CFAP299: variants seen among roughly 807,000 people sequenced by gnomAD.
CFAP299 encodes cilia- and flagella-associated protein 299.
Under a neutral mutation model 27.0 loss-of-function variants are expected in CFAP299, and 21 were observed. That is an observed-to-expected ratio of 0.78 (90% confidence interval 0.55 to 1.12). The LOEUF is 1.12. Among genes scored for constraint, CFAP299 ranks in the 50% most tolerant of loss-of-function variants. The pLI, the probability that CFAP299 is intolerant of heterozygous loss-of-function variation, is 0.00. For synonymous variants in CFAP299, 104 were observed against 98.1 expected (o/e 1.06, Z -0.36); for missense variants, 310 against 276.6 (o/e 1.12, Z -0.86).
chr4:80,443,342 C>G (rs1412495010), intron 2 of CFAP299, among the ~76,000 whole-genome samples: 2 of 152,188 alleles, frequency 1.3e-5, no homozygotes, highest in East Asian at 1.9e-4. Flanking sequence ...ATGATCAAGT[C>G]ACCTTCATCC....
intron 2 of CFAP299, among the ~76,000 whole-genome samples, chr4:80,398,041 T>C (rs1452932039): frequency 6.6e-6 from 1 of 152,016 alleles, no homozygotes; most frequent in East Asian, 1.9e-4. Context: ...TATACACCAA[T>C]AACAGACAAA....
intron 3 of CFAP299, among the ~76,000 whole-genome samples, chr4:80,627,259 C>A (rs537852511): frequency 6.6e-6 from 1 of 151,912 alleles, no homozygotes; most frequent in African/African-American, 2.4e-5. Context: ...ATAATCATTT[C>A]CGTAGGTGCA....
At chr4:80,564,772 CAA>C (rs1409705565) in intron 2 of CFAP299, among the ~76,000 whole-genome samples, 1 of 151,666 alleles carries the variant, frequency 6.6e-6, no homozygotes, top group Non-Finnish European at 1.5e-5. Context: ...GAAAATAACT[CAA>C]GACTCCACCA....
intron 2 of CFAP299, among the ~76,000 whole-genome samples, chr4:80,500,660 G>A (rs1731695088): frequency 6.6e-6 from 1 of 152,070 alleles, no homozygotes; most frequent in South Asian, 2.1e-4. Flanking sequence ...TATTCAGTAA[G>A]TCTTTAATTG....
rs138387157 is a variant in CFAP299, at chr4:80,933,856, G to A, written c.477-10954G>A. 6.1e-3 allele frequency among the ~76,000 whole-genome samples: 925 copies of A among 152,132 alleles called. 7 individuals are homozygous for A. Among genetic ancestry groups the A allele is most frequent in the Middle Eastern group, 0.024 (7 of 294 alleles). ...AGTCAGTAAGGGTTTCTGTATATAA[G>A]ATGATATCATTTGCAAACAGAGGCA... On this transcript the variant is annotated intron_variant, in intron 4 of 5. Coordinates refer to ENST00000358105, the MANE Select transcript of CFAP299 (RefSeq NM_152770.3).
At chr4:80,575,346 G>C (rs867068376) in intron 2 of CFAP299, among the ~76,000 whole-genome samples, 1 of 146,898 alleles carries the variant, frequency 6.8e-6, no homozygotes, top group Non-Finnish European at 1.5e-5. Flanking sequence ...TTTTTTTTGA[G>C]AACAGATCTC....
chr4:80,398,743 TA>T (rs934623028), intron 2 of CFAP299, among the ~76,000 whole-genome samples: 1 of 152,024 alleles, frequency 6.6e-6, no homozygotes, highest in African/African-American at 2.4e-5. Context: ...AACCCTAGAA[TA>T]AAACCTAGGC....
chr4:80,484,738 A>G (rs1188891406), intron 2 of CFAP299, among the ~76,000 whole-genome samples: 1 of 152,216 alleles, frequency 6.6e-6, no homozygotes, highest in Non-Finnish European at 1.5e-5. Flanking sequence ...TTGTTTCATT[A>G]TAGAAAATTT....
chr4:80,908,383 T>C (rs1189092906), intron 4 of CFAP299, among the ~76,000 whole-genome samples: 1 of 152,244 alleles, frequency 6.6e-6, no homozygotes, highest in South Asian at 2.1e-4. Context: ...ACTTTAAACA[T>C]ATTTTCTTCT....
intron 3 of CFAP299, among the ~76,000 whole-genome samples, chr4:80,856,822 T>G (rs915833328): frequency 4.0e-5 from 6 of 151,664 alleles, no homozygotes; most frequent in African/African-American, 1.5e-4. Context: ...TAGTATAGTT[T>G]GAAGTCAGGT....
chr4:80,938,135 T>C (rs1230219129), intron 4 of CFAP299, among the ~76,000 whole-genome samples: 1 of 152,236 alleles, frequency 6.6e-6, no homozygotes, highest in Non-Finnish European at 1.5e-5. Flanking sequence ...CTTTAGATTA[T>C]ACATTAGCAT....
At chr4:80,525,136 T>C (rs573876690) in intron 2 of CFAP299, among the ~76,000 whole-genome samples, 4 of 152,142 alleles carry the variant, frequency 2.6e-5, no homozygotes, top group African/African-American at 9.6e-5. Flanking sequence ...CTTTTTCTGT[T>C]TTTCTAAGAC....
chr4:80,408,411 A>G (rs1188828267), intron 2 of CFAP299, among the ~76,000 whole-genome samples: 1 of 152,078 alleles, frequency 6.6e-6, no homozygotes, highest in African/African-American at 2.4e-5. Flanking sequence ...TTCTTGGATT[A>G]TTGGTCATTT....
chr4:80,388,712 A>G (rs1725166596), intron 2 of CFAP299: 7 of 733,212 alleles, frequency 9.5e-6, no homozygotes, highest in Non-Finnish European at 1.7e-5. Flanking sequence ...GATCACCTGC[A>G]CCATCTTGGA....
At chr4:80,820,732 T>C (rs1323609676) in intron 3 of CFAP299, among the ~76,000 whole-genome samples, 2 of 152,182 alleles carry the variant, frequency 1.3e-5, no homozygotes, top group East Asian at 3.8e-4. Flanking sequence ...AATCATTCTC[T>C]TTGCGTCCGC....
chr4:80,749,337 T>C (rs1279623645), intron 3 of CFAP299, among the ~76,000 whole-genome samples: 1 of 152,092 alleles, frequency 6.6e-6, no homozygotes, highest in Non-Finnish European at 1.5e-5. Context: ...AACATAAGAA[T>C]TAAAAAAATT....
intron 3 of CFAP299, among the ~76,000 whole-genome samples, chr4:80,762,913 A>G (rs1311669030): frequency 6.6e-6 from 1 of 152,168 alleles, no homozygotes; most frequent in Non-Finnish European, 1.5e-5. Flanking sequence ...AGCTGATGTA[A>G]CTGGATCACA....
At chr4:80,652,986 A>G (rs572635550) in intron 3 of CFAP299, among the ~76,000 whole-genome samples, 1 of 152,252 alleles carries the variant, frequency 6.6e-6, no homozygotes, top group East Asian at 1.9e-4. Flanking sequence ...AAAGCTGTTA[A>G]TAAAAGAAGT....
At chr4:80,451,729 G>C (rs34636382) in intron 2 of CFAP299, among the ~76,000 whole-genome samples, 14,369 of 152,190 alleles carry the variant, frequency 0.094, 769 homozygotes, top group Middle Eastern at 0.19. Flanking sequence ...TGATAGATGG[G>C]TTAGATTAAT....
Sources: gnomAD v4.1 joint callset for allele counts (sites outside exome capture counted in the v4.1 genomes callset) on GRCh38, gnomAD v4.1.1 for gene constraint, MANE v1.5 for transcripts, NCBI Gene and HGNC (gene_info 2026-07-23, HGNC 2026-07-21) for gene names.